The following EPB41L4A variants were observed in gnomAD, a reference collection of about 807,000 sequenced individuals.
The protein encoded by EPB41L4A is erythrocyte membrane protein band 4.1 like 4A.
In EPB41L4A, 100 loss-of-function variants were observed where a neutral mutation model predicts 108.6. That is an observed-to-expected ratio of 0.92 (90% CI 0.78 to 1.09). The LOEUF is 1.09. EPB41L4A is among the 50% of genes least tolerant of loss of function. EPB41L4A has a pLI of 0.00. For missense variants in EPB41L4A, 1,030 were observed against 842.7 expected (o/e 1.22, Z -2.75); for synonymous variants, 319 against 289.0 (o/e 1.10, Z -1.05).
intron 12 of EPB41L4A, among the ~76,000 whole-genome samples, chr5:112,229,040 G>T (rs1487238806): frequency 1.3e-5 from 2 of 152,200 alleles, no homozygotes; most frequent in African/African-American, 4.8e-5. Context: ...CAACTGGGAT[G>T]CAAGTTAAGG....
rs77715025 is a variant in EPB41L4A, at chr5:112,289,824, C to A, written c.205-9501G>T. On this transcript the variant is annotated intron_variant, in intron 2 of 22. Transcript: ENST00000261486. ...CCCAAGCCCTGCCAAAGTCGCAGAT[C>A]CACGAGCAAAATGTGTGTGGCTGTA... Among the ~76,000 whole-genome samples, 835 of 152,214 alleles carry A rather than the reference C, an allele frequency of 5.5e-3. 6 individuals are homozygous for A. The highest frequency in any genetic ancestry group is 0.019 in the African/African-American group (774 of 41,534).
chr5:112,236,021 GGCCTACTT>G (rs1249383840), intron 11 of EPB41L4A, among the ~76,000 whole-genome samples: 1 of 152,128 alleles, frequency 6.6e-6, no homozygotes, highest in Non-Finnish European at 1.5e-5. Flanking sequence ...ATGAAGATAA[GGCCTACTT>G]TCAACAGACT....
intron 3 of EPB41L4A, among the ~76,000 whole-genome samples, chr5:112,277,951 G>T (rs1355334467): frequency 2.0e-5 from 3 of 152,108 alleles, no homozygotes; most frequent in Non-Finnish European, 4.4e-5. Context: ...TTTCACTTTA[G>T]CAAAAAATAC....
rs1326304768 is a variant in EPB41L4A, at chr5:112,266,457, T to C, written c.336-127A>G. 27 of 632,860 alleles carry C rather than the reference T, an allele frequency of 4.3e-5. 1 individual carries two copies. Among genetic ancestry groups the C allele is most frequent in the Middle Eastern group, 8.9e-4 (2 of 2,248 alleles). The allele number at this position is 632,860 out of a possible 1,614,324, so 39.2% of individuals were successfully genotyped here. A position where few individuals can be genotyped will look rare whatever the true frequency, so the allele number is the denominator to read the frequency against. On this transcript the variant is annotated intron_variant, in intron 4 of 22. Coordinates refer to ENST00000261486, the MANE Select transcript of EPB41L4A (RefSeq NM_022140.5). ...AAAATAAAGTCACCCCCCATTCTTG[T>C]GTGAGGGGGCTGTTGAGTGAACAGG...
At chr5:112,214,395 A>G (rs1195069714) in intron 12 of EPB41L4A, among the ~76,000 whole-genome samples, 1 of 152,240 alleles carries the variant, frequency 6.6e-6, no homozygotes, top group Admixed American at 6.5e-5. Flanking sequence ...AGACATAAGA[A>G]AAGGGTATAA....
chr5:112,159,197 T>C (rs1759759204), downstream of EPB41L4A, among the ~76,000 whole-genome samples: 1 of 152,008 alleles, frequency 6.6e-6, no homozygotes, highest in African/African-American at 2.4e-5. Flanking sequence ...TTTATTGAGG[T>C]ATGATTGAGA....
At chr5:112,303,756 T>C (rs183814592) in intron 2 of EPB41L4A, among the ~76,000 whole-genome samples, 18 of 152,078 alleles carry the variant, frequency 1.2e-4, no homozygotes, top group Non-Finnish European at 1.8e-4. Context: ...AAAAGCTGCA[T>C]GGTGATATGT....
intron 15 of EPB41L4A, among the ~76,000 whole-genome samples, chr5:112,198,110 T>C (rs1270132716): frequency 6.6e-6 from 1 of 152,094 alleles, no homozygotes; most frequent in East Asian, 1.9e-4. Context: ...CTCAGCTCAC[T>C]GCAACCTCCG....
chr5:112,172,909 C>T (rs912247729), intron 18 of EPB41L4A, among the ~76,000 whole-genome samples: 1 of 152,176 alleles, frequency 6.6e-6, no homozygotes, highest in East Asian at 1.9e-4. Context: ...TATACTAATT[C>T]TGTGCTGCAG....
At chr5:112,320,266 A>G (rs1047155254) in intron 1 of EPB41L4A, among the ~76,000 whole-genome samples, 2 of 152,136 alleles carry the variant, frequency 1.3e-5, no homozygotes, top group Non-Finnish European at 2.9e-5. Context: ...CTGTGTGAGA[A>G]AAGAGGAAGG....
At chr5:112,188,449 C>T (rs769552878) in intron 17 of EPB41L4A, among the ~76,000 whole-genome samples, 2 of 152,166 alleles carry the variant, frequency 1.3e-5, no homozygotes, top group Admixed American at 6.5e-5. Context: ...TTCAAACTCT[C>T]CTGTTTTCAT....
At chr5:112,195,020 C>T (rs982482974) in intron 16 of EPB41L4A, among the ~76,000 whole-genome samples, 9 of 152,066 alleles carry the variant, frequency 5.9e-5, no homozygotes, top group African/African-American at 1.9e-4. Context: ...CACTGAGAGA[C>T]GTAGAGTTTA....
At chr5:112,229,067 T>C (rs1227609763) in intron 12 of EPB41L4A, among the ~76,000 whole-genome samples, 1 of 152,230 alleles carries the variant, frequency 6.6e-6, no homozygotes, top group East Asian at 1.9e-4. Context: ...GTCATCTAGT[T>C]TGATTGAATT....
chr5:112,377,286 G>A (rs575737689), intron 1 of EPB41L4A, among the ~76,000 whole-genome samples: 16 of 151,582 alleles, frequency 1.1e-4, no homozygotes, highest in African/African-American at 3.4e-4. Flanking sequence ...TGAATATATC[G>A]ATTATCAATA....
chr5:112,234,145 C>T (rs1013368467), intron 12 of EPB41L4A, among the ~76,000 whole-genome samples: 13 of 146,726 alleles, frequency 8.9e-5, no homozygotes, highest in Non-Finnish European at 1.8e-4. Context: ...ATAGTGAGAC[C>T]CTATCTCAAT....
chr5:112,259,826 A>T, intron 8 of EPB41L4A, 65 bp downstream of exon 8: 1 of 1,150,848 alleles, frequency 8.7e-7, no homozygotes, highest in Non-Finnish European at 1.3e-6. Flanking sequence ...CAACTCTTTC[A>T]CTGACACAGG....
chr5:112,319,505 T>C (rs1271720351), intron 1 of EPB41L4A, among the ~76,000 whole-genome samples: 2 of 152,130 alleles, frequency 1.3e-5, no homozygotes, highest in Admixed American at 1.3e-4. Context: ...AAAGGCAGAA[T>C]AGAATTTACA....
intron 4 of EPB41L4A, among the ~76,000 whole-genome samples, chr5:112,272,704 A>G (rs948565168): frequency 2.8e-5 from 4 of 144,712 alleles, no homozygotes; most frequent in African/African-American, 1.0e-4. Context: ...TCACTTGAAC[A>G]TAGGAGGCAA....
At chr5:112,174,558 C>T in intron 18 of EPB41L4A, among the ~76,000 whole-genome samples, 1 of 152,144 alleles carries the variant, frequency 6.6e-6, no homozygotes, top group East Asian at 1.9e-4. Context: ...ACACATCATT[C>T]ACAAATCACT....
Sources: gnomAD v4.1 joint callset for allele counts (sites outside exome capture counted in the v4.1 genomes callset) on GRCh38, gnomAD v4.1.1 for gene constraint, MANE v1.5 for transcripts, NCBI Gene and HGNC (gene_info 2026-07-23, HGNC 2026-07-21) for gene names.